The following STARD13 variants were observed in gnomAD, a reference collection of about 807,000 sequenced individuals.
STARD13 encodes StAR related lipid transfer domain containing 13.
A neutral mutation model predicts 106.4 loss-of-function variants in STARD13; 62 were observed. That is an observed-to-expected ratio of 0.58 (90% CI 0.48 to 0.72). The LOEUF (loss-of-function observed/expected upper bound fraction) is 0.72. Among genes scored for constraint, STARD13 ranks in the 30% least tolerant of loss-of-function variants. The pLI, the probability that STARD13 is intolerant of heterozygous loss-of-function variation, is 0.00. For synonymous variants in STARD13, 565 were observed against 553.0 expected (o/e 1.02, Z -0.31); for missense variants, 1,387 against 1,424.0 (o/e 0.97, Z 0.42).
At chr13:33,651,429 A>T in the STARD13 span, among the ~76,000 whole-genome samples, 1 of 152,228 alleles carries the variant, frequency 6.6e-6, no homozygotes, top group Non-Finnish European at 1.5e-5. Context: ...TCCGGGTTGC[A>T]TAGGATAGTC....
At chr13:33,140,768 T>C (rs1330503094) in intron 4 of STARD13, among the ~76,000 whole-genome samples, 1 of 148,794 alleles carries the variant, frequency 6.7e-6, no homozygotes, top group African/African-American at 2.4e-5. Context: ...TTTTCTTTCT[T>C]TTTTTTTTTT....
intron 1 of STARD13, among the ~76,000 whole-genome samples, chr13:33,268,220 T>A (rs1890996331): frequency 6.6e-6 from 1 of 152,212 alleles, no homozygotes; most frequent in African/African-American, 2.4e-5. Flanking sequence ...GAAAACTCCC[T>A]GCTAAAATTG....
intron 1 of STARD13, chr13:33,277,703 C>T (rs1157466180): frequency 6.6e-6 from 1 of 152,176 alleles, no homozygotes; most frequent in Non-Finnish European, 1.5e-5. Flanking sequence ...TATGGTAAGA[C>T]AAAGCCAGAG....
chr13:33,113,163 C>T (rs1343907365), intron 8 of STARD13: 8 of 524,542 alleles, frequency 1.5e-5, no homozygotes, highest in East Asian at 3.1e-5. Flanking sequence ...GGATCCCACG[C>T]TCTCGATGGC....
rs1006361184 is a variant in STARD13 at position 33,104,610 on chromosome 13, A to G, written c.*983T>C. 2.0e-5 allele frequency: 3 copies of G among 152,722 alleles called. No individual in the cohort carries two copies. The highest frequency in any genetic ancestry group is 7.2e-5 in the African/African-American group (3 of 41,470). The allele number at this position is 152,722 out of a possible 1,614,324, so 9.5% of individuals were successfully genotyped here. On this transcript the variant is annotated 3_prime_UTR_variant, in exon 14 of 14. Transcript: ENST00000336934. ...AAGAAAACACCAATTAACTGTGACC[A>G]AATAGGCCACTGGTCAAATAGAATG...
At chr13:33,551,649 A>AGTACAG in the STARD13 span, among the ~76,000 whole-genome samples, 1 of 116,518 alleles carries the variant, frequency 8.6e-6, no homozygotes, top group Non-Finnish European at 1.6e-5. Context: ...GCCAGGCTGG[A>AGTACAG]GTACAGTGTT....
the STARD13 span, among the ~76,000 whole-genome samples, chr13:33,509,173 G>A: frequency 6.6e-6 from 1 of 152,062 alleles, no homozygotes; most frequent in Non-Finnish European, 1.5e-5. Flanking sequence ...GGAGGTTGTT[G>A]GCTACTTCTT....
intron 1 of STARD13, among the ~76,000 whole-genome samples, chr13:33,244,156 T>C (rs2138260732): frequency 6.6e-6 from 1 of 152,086 alleles, no homozygotes; most frequent in East Asian, 1.9e-4. Context: ...GGTCAACTTG[T>C]ACCTTCATCT....
chr13:33,622,043 G>T, the STARD13 span, among the ~76,000 whole-genome samples: 2 of 151,892 alleles, frequency 1.3e-5, no homozygotes, highest in Non-Finnish European at 2.9e-5. Flanking sequence ...GACCTCAGGT[G>T]ATCCACCCGC....
At chr13:33,156,901 T>C (rs1417221602) in intron 3 of STARD13, among the ~76,000 whole-genome samples, 1 of 152,226 alleles carries the variant, frequency 6.6e-6, no homozygotes, top group Non-Finnish European at 1.5e-5. Flanking sequence ...GGTGATCATG[T>C]AACCCTCATA....
chr13:33,358,235 A>C, the STARD13 span, among the ~76,000 whole-genome samples: 8 of 152,192 alleles, frequency 5.3e-5, no homozygotes, highest in South Asian at 4.2e-4. Flanking sequence ...GGCTCGGGAC[A>C]TGCAGCCCGC....
At chr13:33,205,791 C>T in intron 1 of STARD13, 1 of 935,334 alleles carries the variant, frequency 1.1e-6, no homozygotes, top group Non-Finnish European at 1.3e-6. Context: ...ACCACCACGA[C>T]CTCTTTTTCT....
the STARD13 span, among the ~76,000 whole-genome samples, chr13:33,628,945 G>C: frequency 6.6e-6 from 1 of 152,328 alleles, no homozygotes; most frequent in African/African-American, 2.4e-5. Context: ...TTTGCTCAGT[G>C]CCAATGATCA....
At chr13:33,177,483 C>G (rs1008023144) in intron 1 of STARD13, among the ~76,000 whole-genome samples, 2 of 152,096 alleles carry the variant, frequency 1.3e-5, no homozygotes, top group African/African-American at 4.8e-5. Context: ...GCTAGTTACA[C>G]AATTCTGGCA....
At chr13:33,462,756 C>T in the STARD13 span, among the ~76,000 whole-genome samples, 1 of 152,172 alleles carries the variant, frequency 6.6e-6, no homozygotes, top group African/African-American at 2.4e-5. Flanking sequence ...CTTCTTCTGC[C>T]TGCCTTATCC....
chr13:33,117,082 A>T (rs745526605), intron 8 of STARD13, among the ~76,000 whole-genome samples: 32 of 152,162 alleles, frequency 2.1e-4, no homozygotes, highest in Non-Finnish European at 4.4e-4. Flanking sequence ...TAACATTGTC[A>T]TATCTAGCAA....
At chr13:33,204,155 C>T (rs1887243430) in intron 1 of STARD13, among the ~76,000 whole-genome samples, 1 of 152,204 alleles carries the variant, frequency 6.6e-6, no homozygotes, top group Non-Finnish European at 1.5e-5. Flanking sequence ...AATTCTTTTA[C>T]ACATTAGAAA....
the STARD13 span, among the ~76,000 whole-genome samples, chr13:33,419,825 T>G: frequency 6.6e-6 from 1 of 152,194 alleles, no homozygotes; most frequent in South Asian, 2.1e-4. Context: ...GAAAAGAATT[T>G]TCAACCCAGA....
At chr13:33,637,167 A>G in the STARD13 span, among the ~76,000 whole-genome samples, 10 of 152,204 alleles carry the variant, frequency 6.6e-5, no homozygotes, top group African/African-American at 2.4e-4. Flanking sequence ...GGTCACTGAG[A>G]CACAGAGAGA....
Sources: allele counts gnomAD v4.1 joint callset (sites outside exome capture counted in the v4.1 genomes callset), GRCh38; gene constraint gnomAD v4.1.1; transcripts MANE v1.5; gene names NCBI Gene and HGNC (gene_info 2026-07-23, HGNC 2026-07-21).